The following NTM variants were observed in gnomAD, a reference collection of about 807,000 sequenced individuals.
The protein encoded by NTM is neurotrimin.
A neutral mutation model predicts 42.1 loss-of-function variants in NTM; 13 were observed. That is an observed-to-expected ratio of 0.31 (90% CI 0.20 to 0.49). NTM has a LOEUF of 0.49. Ranked by LOEUF, NTM falls within the 20% of genes least tolerant of loss-of-function variation. NTM has a pLI of 0.99. For synonymous variants in NTM, 187 were observed against 179.2 expected (o/e 1.04, Z -0.35); for missense variants, 373 against 452.8 (o/e 0.82, Z 1.60).
intron 2 of NTM, among the ~76,000 whole-genome samples, chr11:132,048,006 T>C (rs994319044): frequency 2.6e-5 from 4 of 152,172 alleles, no homozygotes; most frequent in African/African-American, 7.2e-5. Context: ...ATTAACTTTT[T>C]TTTTTTTATA....
At chr11:131,972,319 T>C (rs1355245322) in intron 2 of NTM, among the ~76,000 whole-genome samples, 1 of 152,130 alleles carries the variant, frequency 6.6e-6, no homozygotes, top group Non-Finnish European at 1.5e-5. Flanking sequence ...CTTACAATAG[T>C]GTCTGGCCAA....
chr11:131,660,808 A>C, intron 1 of NTM: 1 of 1,168,320 alleles, frequency 8.6e-7, no homozygotes, highest in South Asian at 1.6e-5. Context: ...AAATATAGAA[A>C]GGTAGGATGA....
At chr11:131,506,047 G>A (rs1298169558) in intron 1 of NTM, among the ~76,000 whole-genome samples, 2 of 152,094 alleles carry the variant, frequency 1.3e-5, no homozygotes, top group Non-Finnish European at 2.9e-5. Context: ...ATCACTCCGG[G>A]AATGGAGTTA....
intron 1 of NTM, among the ~76,000 whole-genome samples, chr11:131,551,421 CAAA>C (rs543963237): frequency 3.4e-5 from 3 of 87,078 alleles, no homozygotes; most frequent in East Asian, 3.2e-4. Flanking sequence ...GAGGTTCCTC[CAAA>C]AAAAAAAAAA....
intron 1 of NTM, among the ~76,000 whole-genome samples, chr11:131,619,618 GA>G (rs1380241952): frequency 6.6e-6 from 1 of 152,126 alleles, no homozygotes; most frequent in Admixed American, 6.5e-5. Flanking sequence ...AAGAAAGAGG[GA>G]AGAAAGAACA....
intron 2 of NTM, among the ~76,000 whole-genome samples, chr11:132,136,950 T>C (rs988456777): frequency 6.6e-6 from 1 of 152,152 alleles, no homozygotes; most frequent in Non-Finnish European, 1.5e-5. Flanking sequence ...CACTAGGCCT[T>C]GGGCATGGGA....
At chr11:132,116,101 T>C (rs941746809) in intron 2 of NTM, among the ~76,000 whole-genome samples, 3 of 152,152 alleles carry the variant, frequency 2.0e-5, no homozygotes, top group East Asian at 1.9e-4. Flanking sequence ...GAAACCACTC[T>C]AGGTATAACA....
intron 3 of NTM, among the ~76,000 whole-genome samples, chr11:132,155,706 C>T (rs531150176): frequency 1.3e-5 from 2 of 152,308 alleles, no homozygotes; most frequent in Non-Finnish European, 2.9e-5. Flanking sequence ...CACTGTTCCT[C>T]ATTCTGAGGG....
chr11:131,737,699 C>T (rs1183697498), intron 1 of NTM, among the ~76,000 whole-genome samples: 1 of 152,062 alleles, frequency 6.6e-6, no homozygotes, highest in East Asian at 1.9e-4. Flanking sequence ...TCTCGCCTAA[C>T]CTTGCCTCTG....
chr11:132,080,813 T>G (rs1193189547), intron 2 of NTM, among the ~76,000 whole-genome samples: 1 of 152,240 alleles, frequency 6.6e-6, no homozygotes, highest in Admixed American at 6.5e-5. Flanking sequence ...TATGATGCTT[T>G]TCTGAGAGGT....
chr11:131,583,242 G>A (rs2058573154), intron 1 of NTM, among the ~76,000 whole-genome samples: 1 of 152,100 alleles, frequency 6.6e-6, no homozygotes, highest in Non-Finnish European at 1.5e-5. Flanking sequence ...AAGCCTCTCT[G>A]CACCTTGAAT....
chr11:131,401,604 G>A (rs1945138316), intron 1 of NTM, among the ~76,000 whole-genome samples: 1 of 150,712 alleles, frequency 6.6e-6, no homozygotes, highest in Non-Finnish European at 1.5e-5. Context: ...TCTTCCATTG[G>A]ATATCCTTTA....
chr11:131,600,031 G>A (rs575837047), intron 1 of NTM, among the ~76,000 whole-genome samples: 22 of 152,294 alleles, frequency 1.4e-4, no homozygotes, highest in Admixed American at 1.2e-3. Context: ...TCACCTCTCC[G>A]AGGCGGCTCA....
At chr11:132,297,321 A>G (rs2140077007) in intron 4 of NTM, among the ~76,000 whole-genome samples, 1 of 152,302 alleles carries the variant, frequency 6.6e-6, no homozygotes, top group Non-Finnish European at 1.5e-5. Flanking sequence ...TTTGCTTGAT[A>G]CCATCACTAA....
At chr11:132,073,886 A>G (rs1446237266) in intron 2 of NTM, among the ~76,000 whole-genome samples, 1 of 152,184 alleles carries the variant, frequency 6.6e-6, no homozygotes, top group Non-Finnish European at 1.5e-5. Flanking sequence ...ATAAGTCAAC[A>G]CATGCACATG....
chr11:131,987,114 T>C (rs913146733), intron 2 of NTM, among the ~76,000 whole-genome samples: 6 of 152,198 alleles, frequency 3.9e-5, no homozygotes, highest in Admixed American at 1.3e-4. Context: ...TGTCCCATAT[T>C]ACTAATGAGG....
chr11:131,566,191 G>A (rs1018544568), intron 1 of NTM, among the ~76,000 whole-genome samples: 3 of 152,124 alleles, frequency 2.0e-5, no homozygotes, highest in Non-Finnish European at 2.9e-5. Context: ...CTTATGGTGC[G>A]AGAAGAAATT....
intron 2 of NTM, among the ~76,000 whole-genome samples, chr11:131,983,538 G>A (rs1338188068): frequency 6.6e-6 from 1 of 151,892 alleles, no homozygotes; most frequent in Non-Finnish European, 1.5e-5. Flanking sequence ...ACCACACCCA[G>A]CTAATTTTTT....
At chr11:132,211,953 C>G in intron 3 of NTM, 69 bp from the exon 4 acceptor site, 1 of 1,532,490 alleles carries the variant, frequency 6.5e-7, no homozygotes, top group Non-Finnish European at 8.8e-7. Flanking sequence ...GTTCTGCCAA[C>G]TACCATGTTA....
Sources: allele counts gnomAD v4.1 joint callset (sites outside exome capture counted in the v4.1 genomes callset), GRCh38; gene constraint gnomAD v4.1.1; transcripts MANE v1.5; gene names NCBI Gene and HGNC (gene_info 2026-07-23, HGNC 2026-07-21).